The following BMPR1A variants were observed in gnomAD, a reference collection of about 807,000 sequenced individuals.
The protein encoded by BMPR1A is bone morphogenetic protein receptor type 1A.
In BMPR1A, 7 loss-of-function variants were observed where a neutral mutation model predicts 66.0. The observed-to-expected ratio is 0.11, with a 90% CI of 0.06 to 0.20. The LOEUF is 0.20. BMPR1A is among the 10% of genes least tolerant of loss of function. BMPR1A has a pLI of 1.00. For synonymous variants in BMPR1A, 200 were observed against 229.7 expected, an observed-to-expected ratio of 0.87 and a Z score of 1.17; for missense variants, 408 against 669.1, an observed-to-expected ratio of 0.61 and a Z score of 4.31.
At chr10:86,760,232 C>CTTTTTTTTTTTTTTTT (rs1841024648) in intron 1 of BMPR1A, among the ~76,000 whole-genome samples, 1 of 21,080 alleles carries the variant, frequency 4.7e-5, no homozygotes. Context: ...TTTTTTCTTT[C>CTTTTTTTTTTTTTTTT]TTTCTTTCTT....
chr10:86,910,255 T>G (rs187345574), intron 7 of BMPR1A, among the ~76,000 whole-genome samples: 1 of 152,210 alleles, frequency 6.6e-6, no homozygotes, highest in East Asian at 1.9e-4. Context: ...GGAGGATTGC[T>G]TAAACCCGGG....
intron 1 of BMPR1A, among the ~76,000 whole-genome samples, chr10:86,790,281 T>C (rs926250429): frequency 2.2e-5 from 3 of 134,720 alleles, no homozygotes; most frequent in Admixed American, 8.2e-5. Flanking sequence ...AGGATGTCTA[T>C]AATCAAAAAG....
intron 1 of BMPR1A, among the ~76,000 whole-genome samples, chr10:86,763,310 A>C (rs2132602552): frequency 6.6e-6 from 1 of 152,310 alleles, no homozygotes; most frequent in South Asian, 2.1e-4. Context: ...CGGAATGATT[A>C]AGTTTCAGCT....
chr10:86,894,673 T>C (rs538345379), intron 5 of BMPR1A, among the ~76,000 whole-genome samples: 1 of 152,304 alleles, frequency 6.6e-6, no homozygotes, highest in Non-Finnish European at 1.5e-5. Context: ...TCGGACAAGG[T>C]GCTCTGCTCT....
chr10:86,837,271 G>GTGTGTA (rs1442115120), intron 1 of BMPR1A, among the ~76,000 whole-genome samples: 1 of 151,650 alleles, frequency 6.6e-6, no homozygotes, highest in African/African-American at 2.4e-5. Flanking sequence ...GTGTGTGTGT[G>GTGTGTA]TGTAATCAGG....
intron 2 of BMPR1A, among the ~76,000 whole-genome samples, chr10:86,853,462 A>G (rs1012693172): frequency 3.3e-5 from 5 of 152,248 alleles, no homozygotes; most frequent in African/African-American, 1.2e-4. Context: ...AGTAATGCCA[A>G]CTGTGGAGAT....
At chr10:86,902,027 T>A (rs1312457762) in intron 7 of BMPR1A, among the ~76,000 whole-genome samples, 2 of 151,960 alleles carry the variant, frequency 1.3e-5, no homozygotes, top group East Asian at 3.9e-4. Flanking sequence ...CCTGGCTAAT[T>A]TTTGTATTTT....
rs55872033 is a variant in BMPR1A at position 86,868,778 on chromosome 10, G to GTTTTTTTTTTT, written c.-152-7086_-152-7076dup. Reference sequence around the variant, plus strand: ...TCAACTGACTTCAGCCTTTTCCTGTGTTTTTTTTTTTTTAAGTTCCAATTG... The same window carrying GTTTTTTTTTTT: ...TCAACTGACTTCAGCCTTTTCCTGTGTTTTTTTTTTTTTTTTTTTTTTTTAAGTTCCAATTG... On this transcript the variant is annotated intron_variant, in intron 2 of 12. Coordinates refer to ENST00000372037, the MANE Select transcript of BMPR1A (RefSeq NM_004329.3). 1.3e-3 allele frequency among the ~76,000 whole-genome samples: 185 copies of GTTTTTTTTTTT among 141,018 alleles called. 1 individual carries two copies. Among genetic ancestry groups the GTTTTTTTTTTT allele is most frequent in the African/African-American group, 4.3e-3 (162 of 37,958 alleles). The allele number at this position is 141,018 out of a possible 152,430, so 92.5% of individuals were successfully genotyped here.
At chr10:86,844,539 A>G (rs534800960) in intron 2 of BMPR1A, among the ~76,000 whole-genome samples, 1 of 152,358 alleles carries the variant, frequency 6.6e-6, no homozygotes, top group South Asian at 2.1e-4. Flanking sequence ...AGTTAATTAT[A>G]TAAAACTGGC....
upstream of BMPR1A, chr10:86,755,893 C>A (rs755024241): frequency 3.9e-5 from 6 of 152,136 alleles, no homozygotes; most frequent in Non-Finnish European, 8.8e-5. Context: ...TCCTCCCGGC[C>A]GGGGAGCCTC....
rs2133627817 is a variant in BMPR1A at position 86,923,915 on chromosome 10, T to C, written c.*196T>C. On this transcript the variant is annotated 3_prime_UTR_variant, in exon 13 of 13. Transcript: ENST00000372037. ...CTGGGAACTTCTAAACACTTCATTCTTTATATATGGACAGCTTTATTTTAA... is the reference window on the plus strand; with the variant it reads ...CTGGGAACTTCTAAACACTTCATTCCTTATATATGGACAGCTTTATTTTAA... 3.2e-6 allele frequency: 2 copies of C among 633,290 alleles called. No homozygotes were observed. Among genetic ancestry groups the C allele is most frequent in the East Asian group, 2.9e-5 (1 of 34,978 alleles). The allele number at this position is 633,290 out of a possible 1,614,324, so 39.2% of individuals were successfully genotyped here.
chr10:86,864,365 C>T (rs1462363194), intron 2 of BMPR1A, among the ~76,000 whole-genome samples: 2 of 152,178 alleles, frequency 1.3e-5, no homozygotes, highest in Non-Finnish European at 2.9e-5. Flanking sequence ...CTATTGCTCT[C>T]GGTACTGGAA....
intron 1 of BMPR1A, among the ~76,000 whole-genome samples, chr10:86,810,947 A>G (rs1213170251): frequency 1.3e-5 from 2 of 152,114 alleles, no homozygotes; most frequent in South Asian, 4.1e-4. Context: ...GGGTTTTGCC[A>G]TGTTGGTCGG....
chr10:86,786,695 A>T (rs1841523210), intron 1 of BMPR1A, among the ~76,000 whole-genome samples: 1 of 152,226 alleles, frequency 6.6e-6, no homozygotes, highest in African/African-American at 2.4e-5. Context: ...GTTTGACGGA[A>T]GTCCAAATTT....
intron 1 of BMPR1A, among the ~76,000 whole-genome samples, chr10:86,830,428 T>C (rs539622366): frequency 6.6e-6 from 1 of 152,348 alleles, no homozygotes; most frequent in East Asian, 1.9e-4. Flanking sequence ...TACCTGTAAG[T>C]AGCTGTGCCA....
chr10:86,882,077 T>C (rs763361370), intron 3 of BMPR1A, among the ~76,000 whole-genome samples: 9 of 152,102 alleles, frequency 5.9e-5, no homozygotes, highest in Non-Finnish European at 1.0e-4. Flanking sequence ...TTCATAATTA[T>C]ATGAAAGGGG....
chr10:86,775,452 C>A (rs935790350), intron 1 of BMPR1A, among the ~76,000 whole-genome samples: 3 of 152,142 alleles, frequency 2.0e-5, no homozygotes, highest in Admixed American at 6.5e-5. Flanking sequence ...GGACACAAGG[C>A]TGATGGTTTC....
chr10:86,859,952 C>A (rs1403375247), intron 2 of BMPR1A, among the ~76,000 whole-genome samples: 1 of 152,196 alleles, frequency 6.6e-6, no homozygotes, highest in Non-Finnish European at 1.5e-5. Context: ...ACAACAAAAG[C>A]ATCTCTTCAA....
chr10:86,778,788 T>C (rs1841393586), intron 1 of BMPR1A, among the ~76,000 whole-genome samples: 1 of 152,170 alleles, frequency 6.6e-6, no homozygotes, highest in African/African-American at 2.4e-5. Context: ...TTCTGTGTTT[T>C]ACTTATAAGT....
Sources: allele counts gnomAD v4.1 joint callset (sites outside exome capture counted in the v4.1 genomes callset), GRCh38; gene constraint gnomAD v4.1.1; transcripts MANE v1.5; gene names NCBI Gene and HGNC (gene_info 2026-07-23, HGNC 2026-07-21).